CCDC91: variants seen among roughly 807,000 people sequenced by gnomAD.
CCDC91 encodes the protein coiled-coil domain containing 91.
A neutral mutation model predicts 63.2 loss-of-function variants in CCDC91; 48 were observed. The observed-to-expected ratio is 0.76, with a 90% confidence interval of 0.60 to 0.97. The LOEUF is 0.97. CCDC91 is among the 50% of genes least tolerant of loss of function. The probability of loss-of-function intolerance (pLI) is 0.00; values close to 1 mark genes in which losing one functional copy is unlikely to be tolerated. For missense variants in CCDC91, 500 were observed against 494.6 expected (o/e 1.01, Z -0.10); for synonymous variants, 167 against 165.8 (o/e 1.01, Z -0.06).
At chr12:28,331,604 A>T (rs1381936523) in intron 6 of CCDC91, among the ~76,000 whole-genome samples, 2 of 152,210 alleles carry the variant, frequency 1.3e-5, no homozygotes, top group East Asian at 3.9e-4. Flanking sequence ...ATTACTTTGT[A>T]TGGCACAGTT....
chr12:28,269,056 C>T (rs1356830183), intron 3 of CCDC91, among the ~76,000 whole-genome samples: 2 of 152,150 alleles, frequency 1.3e-5, no homozygotes, highest in South Asian at 4.1e-4. Flanking sequence ...GAGGTTCTGA[C>T]AGATATGCCC....
At chr12:28,323,515 A>G (rs1940711340) in intron 6 of CCDC91, among the ~76,000 whole-genome samples, 1 of 151,774 alleles carries the variant, frequency 6.6e-6, no homozygotes, top group Admixed American at 6.6e-5. Context: ...TGATAGTACC[A>G]CCTACATTTC....
At chr12:28,335,287 TATATA>T (rs1325940277) in intron 6 of CCDC91, among the ~76,000 whole-genome samples, 8 of 137,532 alleles carry the variant, frequency 5.8e-5, no homozygotes, top group Non-Finnish European at 1.1e-4. Context: ...ATACATATTA[TATATA>T]ATATAATATA....
chr12:28,497,984 T>C (rs1242173509), intron 12 of CCDC91, among the ~76,000 whole-genome samples: 3 of 151,596 alleles, frequency 2.0e-5, no homozygotes, highest in African/African-American at 7.2e-5. Context: ...AATGAAAATA[T>C]CTTGTCTGGG....
chr12:28,430,784 T>A (rs1308071837), intron 8 of CCDC91, among the ~76,000 whole-genome samples: 2 of 152,180 alleles, frequency 1.3e-5, no homozygotes, highest in Admixed American at 6.6e-5. Context: ...AAGTTCCTTA[T>A]GTAATTTGTG....
At chr12:28,201,134 C>T (rs1229957192) in intron 1 of CCDC91, among the ~76,000 whole-genome samples, 1 of 150,762 alleles carries the variant, frequency 6.6e-6, no homozygotes, top group African/African-American at 2.4e-5. Flanking sequence ...GGGGGCTGAC[C>T]CCCACCTCCC....
chr12:28,403,025 A>G (rs1315917375), intron 8 of CCDC91, among the ~76,000 whole-genome samples: 1 of 152,172 alleles, frequency 6.6e-6, no homozygotes, highest in Non-Finnish European at 1.5e-5. Context: ...TTCTTTTGCT[A>G]TGCTGCTGGA....
chr12:28,483,205 C>A (rs2140909297), intron 11 of CCDC91, among the ~76,000 whole-genome samples: 1 of 151,790 alleles, frequency 6.6e-6, no homozygotes, highest in Non-Finnish European at 1.5e-5. Context: ...ACATACAGTC[C>A]ACAAAGTGAA....
chr12:28,339,092 C>T (rs1419266802), intron 6 of CCDC91, among the ~76,000 whole-genome samples: 3 of 152,130 alleles, frequency 2.0e-5, no homozygotes, highest in East Asian at 1.9e-4. Context: ...CCACCTGCCT[C>T]GGCTTCCCAA....
chr12:28,205,056 G>T (rs1235303549), intron 1 of CCDC91, among the ~76,000 whole-genome samples: 1 of 152,112 alleles, frequency 6.6e-6, no homozygotes, highest in African/African-American at 2.4e-5. Flanking sequence ...TAGATTGCCT[G>T]TTGGAAAGCC....
At chr12:28,442,305 A>G (rs1414665962) in intron 8 of CCDC91, among the ~76,000 whole-genome samples, 1 of 152,114 alleles carries the variant, frequency 6.6e-6, no homozygotes, top group Non-Finnish European at 1.5e-5. Flanking sequence ...TTCGTGACAT[A>G]TTTTACTTAG....
chr12:28,456,301 C>G (rs552695970), intron 11 of CCDC91, among the ~76,000 whole-genome samples: 1 of 151,980 alleles, frequency 6.6e-6, no homozygotes, highest in East Asian at 1.9e-4. Flanking sequence ...CAAATCATGC[C>G]GTGTGGTGCT....
chr12:28,381,623 A>G (rs887640560), intron 7 of CCDC91, among the ~76,000 whole-genome samples: 1 of 152,122 alleles, frequency 6.6e-6, no homozygotes, highest in Non-Finnish European at 1.5e-5. Flanking sequence ...GAACTAATCC[A>G]TAGTCTGCTT....
chr12:28,442,930 T>G (rs1565981041), intron 8 of CCDC91, among the ~76,000 whole-genome samples: 1 of 152,040 alleles, frequency 6.6e-6, no homozygotes, highest in Admixed American at 6.6e-5. Context: ...CTGTTTCCTA[T>G]AAGAAGAAAG....
chr12:28,535,443 A>C (rs893241576), intron 12 of CCDC91, among the ~76,000 whole-genome samples: 1 of 152,202 alleles, frequency 6.6e-6, no homozygotes, highest in Non-Finnish European at 1.5e-5. Flanking sequence ...GAAGACAAAG[A>C]GTTTCAGTGC....
intron 8 of CCDC91, among the ~76,000 whole-genome samples, chr12:28,399,262 G>A (rs759346926): frequency 4.6e-5 from 7 of 152,142 alleles, no homozygotes; most frequent in Non-Finnish European, 1.0e-4. Context: ...CAGCAGCAAG[G>A]AGAAATACCG....
intron 10 of CCDC91, among the ~76,000 whole-genome samples, chr12:28,451,140 A>G (rs1280067215): frequency 3.3e-5 from 5 of 151,752 alleles, no homozygotes; most frequent in Non-Finnish European, 5.9e-5. Context: ...ATTTTATTCC[A>G]TAGGATAAGG....
intron 8 of CCDC91, among the ~76,000 whole-genome samples, chr12:28,430,027 A>G (rs1948545710): frequency 6.6e-6 from 1 of 151,860 alleles, no homozygotes; most frequent in Non-Finnish European, 1.5e-5. Flanking sequence ...AATGTGGCTT[A>G]TTTTGTTGGG....
chr12:28,269,116 G>A (rs1003267224), intron 3 of CCDC91, among the ~76,000 whole-genome samples: 14 of 152,076 alleles, frequency 9.2e-5, no homozygotes, highest in African/African-American at 2.9e-4. Context: ...AATGAATACT[G>A]TTGTTGCTAA....
Sources: gnomAD v4.1 joint callset for allele counts (sites outside exome capture counted in the v4.1 genomes callset) on GRCh38, gnomAD v4.1.1 for gene constraint, MANE v1.5 for transcripts, NCBI Gene and HGNC (gene_info 2026-07-23, HGNC 2026-07-21) for gene names.